FBN1: variants seen among roughly 807,000 people sequenced by gnomAD.
FBN1 encodes the protein fibrillin-1.
A neutral mutation model predicts 365.1 loss-of-function variants in FBN1; 29 were observed. The ratio of observed to expected loss-of-function variants is 0.08; its 90% CI spans 0.06 to 0.11. FBN1 has a LOEUF of 0.11. Ranked by LOEUF, FBN1 falls within the 10% of genes least tolerant of loss-of-function variation. The pLI, the probability that FBN1 is intolerant of heterozygous loss-of-function variation, is 1.00. For synonymous variants in FBN1, 1,210 were observed against 1,270.5 expected (o/e 0.95, Z 1.01); for missense variants, 2,476 against 3,703.2 (o/e 0.67, Z 8.60).
intron 30 of FBN1, among the ~76,000 whole-genome samples, chr15:48,484,930 T>C (rs1316776759): frequency 6.6e-6 from 1 of 152,182 alleles, no homozygotes; most frequent in Non-Finnish European, 1.5e-5. Context: ...TTGGAGAGAT[T>C]GTGAAAACAA....
intron 4 of FBN1, among the ~76,000 whole-genome samples, chr15:48,603,976 G>A (rs2044587041): frequency 1.3e-5 from 2 of 152,196 alleles, no homozygotes; most frequent in South Asian, 4.1e-4. Flanking sequence ...GTTCATATCA[G>A]ATGTCAGTCA....
At chr15:48,603,403 G>A (rs74014625) in intron 4 of FBN1, among the ~76,000 whole-genome samples, 1,890 of 152,176 alleles carry the variant, frequency 0.012, 40 homozygotes, top group African/African-American at 0.044. Context: ...TCTTTAGTGG[G>A]GAATAAAGCA....
intron 29 of FBN1, among the ~76,000 whole-genome samples, chr15:48,486,556 A>C (rs1248062559): frequency 6.6e-6 from 1 of 152,218 alleles, no homozygotes; most frequent in Non-Finnish European, 1.5e-5. Flanking sequence ...CATAGCCTCA[A>C]TTGCAGTGTA....
chr15:48,481,695 A>G lies in FBN1; in HGVS notation c.3924T>C (p.Asp1308=). The G allele has an allele frequency of 6.2e-7, 1 of 1,613,902 alleles. No individual in the cohort carries two copies. The highest frequency in any genetic ancestry group is 8.5e-7 in the Non-Finnish European group (1 of 1,179,782). Residue 1308 remains aspartate, a synonymous_variant, in exon 32 of 66, where the codon GAT becomes GAC. Transcript: ENST00000316623. ...NTKGSFICHC[D]MGYSGKKGKT... is the part of the protein sequence containing the mutation. ...TTCCTTTTTTGCCGGAGTAGCCCAT[A>G]TCACAGTGGCAGATAAATGAGCCTT...
chr15:48,434,836 C>T, intron 53 of FBN1, 123 bp from the exon 54 acceptor site: 1 of 1,192,936 alleles, frequency 8.4e-7, no homozygotes, highest in Non-Finnish European at 1.2e-6. Context: ...CTCACTTTGA[C>T]ATCCAGACTG....
At chr15:48,462,361 T>A (rs950487154) in intron 42 of FBN1, among the ~76,000 whole-genome samples, 10 of 148,284 alleles carry the variant, frequency 6.7e-5, no homozygotes, top group Admixed American at 6.8e-5. Context: ...CTTTTTTTTT[T>A]AAGACAAATA....
In FBN1 at chr15:48,432,869, T is replaced by C. The variant is rs1204178823; in HGVS notation, c.6736A>G (p.Lys2246Glu). The C allele has an allele frequency of 6.2e-7, 1 of 1,613,546 alleles. No individual in the cohort carries two copies. The highest frequency in any genetic ancestry group is 1.3e-5 in the African/African-American group (1 of 74,916). ...GACCTTGAACACGATGACTCACCTT[T>C]GCACATCCTACGGTCTTCTCTGAGC... ...YVLREDRRMC[K>E]DEDECEEGKH... The change falls in exon 55 of 66, where the codon AAA (lysine) becomes GAA (glutamate). Residue 2246 changes from lysine (K) to glutamate (E), a missense_variant. Coordinates refer to ENST00000316623, the MANE Select transcript of FBN1 (RefSeq NM_000138.5).
At chr15:48,423,504 A>C (rs1160090440) in intron 60 of FBN1, among the ~76,000 whole-genome samples, 1 of 152,212 alleles carries the variant, frequency 6.6e-6, no homozygotes, top group Non-Finnish European at 1.5e-5. Context: ...TCTATGGCCC[A>C]AGGAGCTTGG....
intron 32 of FBN1, among the ~76,000 whole-genome samples, chr15:48,478,917 A>G (rs2043445827): frequency 6.6e-6 from 1 of 152,230 alleles, no homozygotes; most frequent in South Asian, 2.1e-4. Context: ...CAAAACTGTA[A>G]TGGAGCCCAG....
chr15:48,452,574 C>T lies in FBN1; in HGVS notation c.5533G>A (p.Gly1845Arg). 1 of 1,614,124 alleles carries T rather than the reference C, an allele frequency of 6.2e-7. No individual in the cohort carries two copies. The highest frequency in any genetic ancestry group is 8.5e-7 in the Non-Finnish European group (1 of 1,180,004). ...CKPGYRFTST[G>R]QCNDRNECQE... ...GGGCACTACATACCATTGCACTGTC[C>T]TGTGGAGGTGAAGCGGTAGCCGGGC... Residue 1845 changes from glycine (G) to arginine (R), a missense_variant, in exon 45 of 66, where the codon GGA becomes AGA. Physicochemically the swap from Gly to Arg is moderately radical, Grantham distance 125 (BLOSUM62 -2). Coordinates refer to ENST00000316623, the MANE Select transcript of FBN1 (RefSeq NM_000138.5).
At chr15:48,421,759 T>A (rs765677739) in intron 61 of FBN1, 73 bp from the exon 62 acceptor site, 109 of 1,561,644 alleles carry the variant, frequency 7.0e-5, no homozygotes, top group Non-Finnish European at 8.9e-5. Context: ...AAAAGAAAAT[T>A]AGAAGGATAA....
chr15:48,634,851 A>AAAC, intron 2 of FBN1, among the ~76,000 whole-genome samples: 1 of 116,698 alleles, frequency 8.6e-6, no homozygotes, highest in African/African-American at 4.6e-5. Flanking sequence ...AAAAAAAAAA[A>AAAC]AAAAACCACA....
At chr15:48,544,035 G>A (rs1029812148) in intron 6 of FBN1, among the ~76,000 whole-genome samples, 1 of 151,794 alleles carries the variant, frequency 6.6e-6, no homozygotes, top group African/African-American at 2.4e-5. Context: ...ATAAAAGTGG[G>A]AACAATTATT....
intron 57 of FBN1, 132 bp downstream of exon 57, chr15:48,428,214 C>G (rs2042995630): frequency 5.0e-6 from 6 of 1,209,424 alleles, no homozygotes; most frequent in Non-Finnish European, 7.2e-6. Context: ...ATTACGGCAT[C>G]TCCAAAATAT....
chr15:48,600,360 A>G, intron 4 of FBN1, 126 bp from the exon 5 acceptor site: 1 of 735,986 alleles, frequency 1.4e-6, no homozygotes, highest in East Asian at 2.7e-5. Flanking sequence ...ATCTATTTTT[A>G]CCTGATAATG....
chr15:48,434,828 C>CAAA, intron 53 of FBN1, 115 bp from the exon 54 acceptor site: 18 of 1,290,678 alleles, frequency 1.4e-5, no homozygotes, highest in Non-Finnish European at 1.9e-5. Flanking sequence ...GACAGAGTCT[C>CAAA]ACTTTGACAT....
chr15:48,478,471 T>C (rs2043440447), intron 32 of FBN1, among the ~76,000 whole-genome samples: 1 of 152,192 alleles, frequency 6.6e-6, no homozygotes, highest in South Asian at 2.1e-4. Flanking sequence ...TTCCACTTAA[T>C]GGTATGCTTG....
At chr15:48,593,363 A>G (rs1199039344) in intron 6 of FBN1, among the ~76,000 whole-genome samples, 1 of 152,202 alleles carries the variant, frequency 6.6e-6, no homozygotes, top group African/African-American at 2.4e-5. Context: ...CATGTGTATT[A>G]TATCATGATA....
chr15:48,623,865 C>T (rs958192938), intron 2 of FBN1, among the ~76,000 whole-genome samples: 1 of 151,994 alleles, frequency 6.6e-6, no homozygotes, highest in South Asian at 2.1e-4. Context: ...AGCCCAAGAA[C>T]TTATGGTCCA....
Sources: allele counts gnomAD v4.1 joint callset (sites outside exome capture counted in the v4.1 genomes callset), GRCh38; gene constraint gnomAD v4.1.1; transcripts MANE v1.5; gene names NCBI Gene and HGNC (gene_info 2026-07-23, HGNC 2026-07-21).